Variants in AK8 observed in about 807,000 individuals in gnomAD.
The protein encoded by AK8 is adenylate kinase 8, also known as ATP-AMP transphosphorylase 8.
In AK8, 44 loss-of-function variants were observed where a neutral mutation model predicts 54.6. The ratio of observed to expected loss-of-function variants is 0.81; its 90% CI spans 0.63 to 1.04. The LOEUF (loss-of-function observed/expected upper bound fraction) is 1.04. Ranked by LOEUF, AK8 falls within the 50% of genes least tolerant of loss-of-function variation. The probability of loss-of-function intolerance (pLI) is 0.00; values close to 1 mark genes in which losing one functional copy is unlikely to be tolerated. For synonymous variants in AK8, 239 were observed against 245.6 expected, an observed-to-expected ratio of 0.97 and a Z score of 0.25; for missense variants, 555 against 613.6, an observed-to-expected ratio of 0.90 and a Z score of 1.01.
intron 11 of AK8, among the ~76,000 whole-genome samples, chr9:132,730,052 C>T (rs12550888): frequency 0.22 from 33,561 of 152,080 alleles, 4,481 homozygotes; most frequent in East Asian, 0.35. Flanking sequence ...TCATGTTAGG[C>T]GGGACTATGA....
chr9:132,868,540 T>C (rs1048797708), intron 2 of AK8, among the ~76,000 whole-genome samples: 5 of 152,082 alleles, frequency 3.3e-5, no homozygotes, highest in African/African-American at 1.2e-4. Context: ...CCGAGATCCT[T>C]GTTCTCACTC....
intron 11 of AK8, among the ~76,000 whole-genome samples, chr9:132,778,375 A>T (rs1051307028): frequency 1.3e-5 from 2 of 152,172 alleles, no homozygotes; most frequent in Admixed American, 6.5e-5. Flanking sequence ...TGCTGATTCC[A>T]ACTCCATTTC....
At position 132,823,566 on chromosome 9, in the gene AK8, C is replaced by G. The variant is rs962897094; in HGVS notation, c.758-230G>C. Among the ~76,000 whole-genome samples, 10 of 152,352 alleles carry G rather than the reference C, an allele frequency of 6.6e-5. No homozygotes were observed. The East Asian group carries it at 9.7e-4, about 15-fold the overall frequency. On this transcript the variant is annotated intron_variant, in intron 8 of 12. Transcript: ENST00000298545. ...AGTCCACAGAAGCCACCCTGGAGCGCCGCCCTGGATTCCTCTCAACACAGG... is the reference window on the plus strand; with the variant it reads ...AGTCCACAGAAGCCACCCTGGAGCGGCGCCCTGGATTCCTCTCAACACAGG...
rs80133322 is a variant in AK8 at position 132,752,088 on chromosome 9, C to T, written c.1122-24554G>A. Among the ~76,000 whole-genome samples, 342 of 151,962 alleles carry T rather than the reference C, an allele frequency of 2.3e-3. 2 individuals carry two copies. Among genetic ancestry groups the T allele is most frequent in the African/African-American group, 7.9e-3 (328 of 41,420 alleles). ...AACTCCTGACCTCAAATGATCCACG[C>T]GCCTCGACCTCCCAAAGCACTGAGA... is the stretch of plus-strand genomic sequence containing the variant. On this transcript the variant is annotated intron_variant, in intron 11 of 12. Coordinates refer to ENST00000298545, the MANE Select transcript of AK8 (RefSeq NM_152572.3).
chr9:132,857,385 G>C (rs1843212955), intron 4 of AK8, among the ~76,000 whole-genome samples: 1 of 152,118 alleles, frequency 6.6e-6, no homozygotes, highest in Admixed American at 6.5e-5. Flanking sequence ...CCGGGGTCTG[G>C]GGGAAGCTGC....
intron 9 of AK8, 48 bp from the exon 10 acceptor site, chr9:132,814,775 G>A (rs757371031): frequency 6.5e-7 from 1 of 1,547,352 alleles, no homozygotes; most frequent in South Asian, 1.2e-5. Flanking sequence ...TTAAATAGGA[G>A]GAAGGATGAG....
intron 11 of AK8, among the ~76,000 whole-genome samples, chr9:132,736,142 G>A (rs921977776): frequency 1.3e-5 from 2 of 150,672 alleles, no homozygotes; most frequent in Non-Finnish European, 2.9e-5. Flanking sequence ...CCAAAATGTC[G>A]TTATGCAGTG....
chr9:132,837,446 C>T lies in AK8; in HGVS notation c.403-8720G>A, dbSNP rs545249137. ...CACCTCTGACTCTCTGCTCAGCCTG[C>T]GAAGAGAAGAGTGATGTGGTCAGTA... On this transcript the variant is annotated intron_variant, in intron 5 of 12. Coordinates refer to ENST00000298545, the MANE Select transcript of AK8 (RefSeq NM_152572.3). The surrounding 1 kb of genome is among the most constrained non-coding windows in gnomAD (Gnocchi z 4.3). Among the ~76,000 whole-genome samples, 48 of 152,188 alleles carry T rather than the reference C, an allele frequency of 3.2e-4. No homozygotes were observed. Among genetic ancestry groups the T allele is most frequent in the Admixed American group, 1.4e-3 (21 of 15,302 alleles).
chr9:132,727,601 TG>T, intron 11 of AK8, 67 bp from the exon 12 acceptor site: 4 of 1,476,216 alleles, frequency 2.7e-6, no homozygotes, highest in Non-Finnish European at 3.8e-6. Flanking sequence ...TGTGACATCC[TG>T]GGGTCTTGAG....
Position 132,814,619 on chromosome 9 carries a change from T to G in AK8, c.979+19A>C, listed in dbSNP as rs755832132. 1 of 1,611,498 alleles carries G rather than the reference T, an allele frequency of 6.2e-7. No individual in the cohort carries two copies. The highest frequency in any genetic ancestry group is 1.1e-5 in the South Asian group (1 of 90,784). Reference sequence around the variant, plus strand: ...CTGGAGCCTGTAAGGTCATGACAGTTAGTGGGAACGTGGCCTACCTGCCAT... The same window carrying G: ...CTGGAGCCTGTAAGGTCATGACAGTGAGTGGGAACGTGGCCTACCTGCCAT... On this transcript the variant is annotated intron_variant, in intron 10 of 12. Transcript: ENST00000298545.
intron 10 of AK8, among the ~76,000 whole-genome samples, chr9:132,798,896 T>A (rs1301778759): frequency 6.6e-6 from 1 of 152,070 alleles, no homozygotes; most frequent in Non-Finnish European, 1.5e-5. Context: ...CACCCTCCTG[T>A]CTCGAAGGGG....
In AK8 at chr9:132,770,383, G is replaced by A. The variant is rs1476709043; in HGVS notation, c.1121+22251C>T. On this transcript the variant is annotated intron_variant, in intron 11 of 12. Transcript: ENST00000298545. The surrounding 1 kb of genome is among the most constrained non-coding windows in gnomAD (Gnocchi z 4.3). ...GGACCGCGCTCGATGGCGTCCAGGGGCCTCTGGGTTTGACTTTCATGGCTA... is the reference window on the plus strand; with the variant it reads ...GGACCGCGCTCGATGGCGTCCAGGGACCTCTGGGTTTGACTTTCATGGCTA... Among the ~76,000 whole-genome samples the A allele has an allele frequency of 6.6e-6, 1 of 152,102 alleles. No individual in the cohort carries two copies. Among genetic ancestry groups the A allele is most frequent in the Non-Finnish European group, 1.5e-5 (1 of 68,014 alleles).
At chr9:132,802,985 G>A (rs1840536436) in intron 10 of AK8, among the ~76,000 whole-genome samples, 1 of 152,238 alleles carries the variant, frequency 6.6e-6, no homozygotes, top group Admixed American at 6.5e-5. Flanking sequence ...TGGACTCACA[G>A]TTCTGCAAGG....
intron 5 of AK8, among the ~76,000 whole-genome samples, chr9:132,833,918 C>T (rs531028162): frequency 3.9e-5 from 6 of 152,260 alleles, no homozygotes; most frequent in African/African-American, 1.4e-4. Flanking sequence ...CTTTTTGATG[C>T]GTTGCCTTTC....
intron 9 of AK8, among the ~76,000 whole-genome samples, chr9:132,821,624 G>A (rs1010723916): frequency 1.3e-5 from 2 of 151,526 alleles, no homozygotes; most frequent in African/African-American, 4.8e-5. Context: ...GCTGGAGGAG[G>A]CCTGAGAAGC....
intron 11 of AK8, among the ~76,000 whole-genome samples, chr9:132,761,387 C>T (rs1453917324): frequency 6.6e-6 from 1 of 151,504 alleles, no homozygotes; most frequent in Non-Finnish European, 1.5e-5. Context: ...CTCAGCCACT[C>T]GAGTAGCTGG....
chr9:132,819,674 T>C (rs1588167965), intron 9 of AK8, among the ~76,000 whole-genome samples: 2 of 152,214 alleles, frequency 1.3e-5, no homozygotes, highest in East Asian at 1.9e-4. Context: ...CATCTTATCC[T>C]AATCGATATT....
intron 10 of AK8, among the ~76,000 whole-genome samples, chr9:132,804,335 C>T (rs917687107): frequency 6.6e-6 from 1 of 152,090 alleles, no homozygotes; most frequent in Non-Finnish European, 1.5e-5. Flanking sequence ...TTGAAGCAGC[C>T]GGCCGAGCAG....
chr9:132,784,757 G>A (rs897133883), intron 11 of AK8, among the ~76,000 whole-genome samples: 2 of 152,120 alleles, frequency 1.3e-5, no homozygotes, highest in Non-Finnish European at 2.9e-5. Flanking sequence ...AGGAAGTTTA[G>A]TATCTATGTA....
Sources: allele counts gnomAD v4.1 joint callset (sites outside exome capture counted in the v4.1 genomes callset), GRCh38; gene constraint gnomAD v4.1.1; non-coding constraint Gnocchi (gnomAD v3.1); transcripts MANE v1.5; gene names NCBI Gene and HGNC (gene_info 2026-07-23, HGNC 2026-07-21).